The following FAM171A1 variants were observed in gnomAD, a reference collection of about 807,000 sequenced individuals.
The protein encoded by FAM171A1 is protein FAM171A1.
Under a neutral mutation model 74.9 loss-of-function variants are expected in FAM171A1, and 23 were observed. That is an observed-to-expected ratio of 0.31 (90% CI 0.22 to 0.44). The LOEUF is 0.44. Ranked by LOEUF, FAM171A1 falls within the 20% of genes least tolerant of loss-of-function variation. FAM171A1 has a pLI of 1.00. For missense variants in FAM171A1, 1,162 were observed against 1,159.2 expected, an observed-to-expected ratio of 1.00 and a Z score of -0.03; for synonymous variants, 527 against 505.7, an observed-to-expected ratio of 1.04 and a Z score of -0.57.
chr10:15,234,579 CTT>C (rs1834256134), intron 5 of FAM171A1, among the ~76,000 whole-genome samples: 2 of 152,042 alleles, frequency 1.3e-5, no homozygotes, highest in South Asian at 4.1e-4. Flanking sequence ...TGAGCAGTCT[CTT>C]TGGTTACGGG....
chr10:15,358,374 C>T (rs1835957065), intron 1 of FAM171A1, among the ~76,000 whole-genome samples: 2 of 152,090 alleles, frequency 1.3e-5, no homozygotes, highest in Non-Finnish European at 2.9e-5. Flanking sequence ...CAAAGAAAGC[C>T]CTCACTCTAT....
At chr10:15,360,813 A>G (rs1210105394) in intron 1 of FAM171A1, among the ~76,000 whole-genome samples, 1 of 152,202 alleles carries the variant, frequency 6.6e-6, no homozygotes, top group African/African-American at 2.4e-5. Context: ...TCTAGAAACC[A>G]CGCCTTCATC....
intron 1 of FAM171A1, among the ~76,000 whole-genome samples, chr10:15,355,863 T>C (rs1281144722): frequency 1.3e-4 from 20 of 152,066 alleles, no homozygotes; most frequent in Non-Finnish European, 2.9e-4. Flanking sequence ...CATTCCTTCT[T>C]TACCCAGACA....
intron 1 of FAM171A1, among the ~76,000 whole-genome samples, chr10:15,367,728 C>G (rs1017226180): frequency 6.6e-6 from 1 of 152,210 alleles, no homozygotes; most frequent in Non-Finnish European, 1.5e-5. Flanking sequence ...TGCAGCTTTT[C>G]TGAGATGAGC....
intron 3 of FAM171A1, among the ~76,000 whole-genome samples, chr10:15,260,223 T>C (rs1032593582): frequency 1.2e-4 from 19 of 152,154 alleles, no homozygotes; most frequent in African/African-American, 4.6e-4. Flanking sequence ...ACCTCTTCTA[T>C]GTAGTCTGTT....
At chr10:15,297,124 C>A (rs553315031) in intron 1 of FAM171A1, among the ~76,000 whole-genome samples, 1 of 151,814 alleles carries the variant, frequency 6.6e-6, no homozygotes, top group African/African-American at 2.4e-5. Context: ...GAGACACGAC[C>A]TTGGCTCACT....
chr10:15,245,155 T>A (rs1341790046), intron 5 of FAM171A1, among the ~76,000 whole-genome samples: 1 of 152,128 alleles, frequency 6.6e-6, no homozygotes, highest in Non-Finnish European at 1.5e-5. Context: ...AACCTCCACA[T>A]CCTGGGTTTA....
chr10:15,280,925 G>A (rs1023180594), intron 2 of FAM171A1, among the ~76,000 whole-genome samples: 3 of 152,212 alleles, frequency 2.0e-5, no homozygotes, highest in East Asian at 1.9e-4. Flanking sequence ...AGCATAACAT[G>A]GTTTGGATCT....
Position 15,211,936 on chromosome 10 carries a change from A to AACGAC in FAM171A1, c.*978_*979insGTCGT. The AACGAC allele has an allele frequency of 6.6e-6, 1 of 152,624 alleles. No individual in the cohort carries two copies. Among genetic ancestry groups the AACGAC allele is most frequent in the Non-Finnish European group, 1.5e-5 (1 of 68,054 alleles). The allele number at this position is 152,624 out of a possible 1,614,324, so 9.5% of individuals were successfully genotyped here. ...GGATGGAGCAGGGAAGGGCATCTCT[A>AACGAC]ACGTGTCCTCTAGTCTATCTTCGCT... On this transcript the variant is annotated 3_prime_UTR_variant, in exon 8 of 8. Coordinates refer to ENST00000378116, the MANE Select transcript of FAM171A1 (RefSeq NM_001010924.2).
chr10:15,282,670 C>G (rs904202496), intron 2 of FAM171A1, among the ~76,000 whole-genome samples: 9 of 152,184 alleles, frequency 5.9e-5, no homozygotes, highest in African/African-American at 2.2e-4. Context: ...AGTGACTTCT[C>G]AGCATGGACC....
At chr10:15,351,706 T>G (rs1253148492) in intron 1 of FAM171A1, among the ~76,000 whole-genome samples, 1 of 151,934 alleles carries the variant, frequency 6.6e-6, no homozygotes, top group Non-Finnish European at 1.5e-5. Context: ...GATGGATGGA[T>G]GGATGGAGAG....
intron 1 of FAM171A1, among the ~76,000 whole-genome samples, chr10:15,301,337 C>T (rs911264686): frequency 1.7e-4 from 25 of 144,134 alleles, no homozygotes; most frequent in African/African-American, 3.5e-4. Flanking sequence ...CATGCCCACA[C>T]GCCCAGCTAT....
intron 5 of FAM171A1, among the ~76,000 whole-genome samples, chr10:15,245,718 G>A (rs912344319): frequency 3.3e-5 from 5 of 151,972 alleles, no homozygotes; most frequent in Non-Finnish European, 7.4e-5. Flanking sequence ...CACACTCTCC[G>A]CTGCTTCTCA....
chr10:15,349,303 C>A (rs1490250811), intron 1 of FAM171A1, among the ~76,000 whole-genome samples: 1 of 152,218 alleles, frequency 6.6e-6, no homozygotes, highest in African/African-American at 2.4e-5. Context: ...ATCTTGCTTA[C>A]TGAGTAGTTA....
At chr10:15,320,838 G>A (rs1043420555) in intron 1 of FAM171A1, among the ~76,000 whole-genome samples, 1 of 152,136 alleles carries the variant, frequency 6.6e-6, no homozygotes, top group Non-Finnish European at 1.5e-5. Flanking sequence ...CTTAACAATC[G>A]TACTAACATT....
chr10:15,222,834 C>T (rs1834055976), intron 5 of FAM171A1, among the ~76,000 whole-genome samples: 1 of 152,222 alleles, frequency 6.6e-6, no homozygotes, highest in Non-Finnish European at 1.5e-5. Flanking sequence ...AGCGAGGGCT[C>T]GGCATCTCCC....
chr10:15,320,090 C>T (rs184258011), intron 1 of FAM171A1, among the ~76,000 whole-genome samples: 6 of 152,064 alleles, frequency 3.9e-5, no homozygotes, highest in Admixed American at 2.0e-4. Context: ...TGAACATAGT[C>T]CCCAAGAGGT....
rs781231485 is a variant in FAM171A1 at position 15,213,746 on chromosome 10, T to C, written c.1842A>G (p.Leu614=). Residue 614 remains leucine, a synonymous_variant, in exon 8 of 8, where the codon CTA becomes CTG. Coordinates refer to ENST00000378116, the MANE Select transcript of FAM171A1 (RefSeq NM_001010924.2). This position sits in a 1 kb window ranked among gnomAD's most constrained non-coding sequence, Gnocchi z 6.8. ...CATGGGGATTGGACAGCTCAGCCTG[T>C]AGTCTTTCTATCTCAAGCTGCTGAT... ...PADQQLEIER[L]QAELSNPHAG... 2.5e-6 allele frequency: 4 copies of C among 1,613,746 alleles called. No homozygotes were observed. Among genetic ancestry groups the C allele is most frequent in the Admixed American group, 1.7e-5 (1 of 59,984 alleles).
intron 5 of FAM171A1, among the ~76,000 whole-genome samples, chr10:15,244,691 T>C (rs11259575): frequency 0.079 from 11,991 of 152,038 alleles, 522 homozygotes; most frequent in Middle Eastern, 0.2. Context: ...CACACAGACT[T>C]GGTGAAGGTG....
Sources: allele counts gnomAD v4.1 joint callset (sites outside exome capture counted in the v4.1 genomes callset), GRCh38; gene constraint gnomAD v4.1.1; non-coding constraint Gnocchi (gnomAD v3.1); transcripts MANE v1.5; gene names NCBI Gene and HGNC (gene_info 2026-07-23, HGNC 2026-07-21).